Variants in GAS2 observed in about 807,000 individuals in gnomAD.
GAS2 encodes the protein growth arrest specific 2.
GAS2 carries 20 observed loss-of-function variants against 37.5 expected under a neutral mutation model. The observed-to-expected ratio is 0.53, with a 90% confidence interval of 0.37 to 0.77. The LOEUF (loss-of-function observed/expected upper bound fraction) is 0.77. GAS2 is among the 30% of genes least tolerant of loss of function. GAS2 has a pLI of 0.00. For missense variants in GAS2, 336 were observed against 373.4 expected, an observed-to-expected ratio of 0.90 and a Z score of 0.82; for synonymous variants, 144 against 132.2, an observed-to-expected ratio of 1.09 and a Z score of -0.61.
intron 7 of GAS2, among the ~76,000 whole-genome samples, chr11:22,793,180 G>A (rs962933058): frequency 5.9e-5 from 9 of 152,124 alleles, no homozygotes; most frequent in South Asian, 2.1e-4. Context: ...AGCCTGAGGC[G>A]GGAGAATTGC....
chr11:22,670,700 C>G (rs970174638), intron 1 of GAS2, among the ~76,000 whole-genome samples: 2 of 152,010 alleles, frequency 1.3e-5, no homozygotes, highest in Non-Finnish European at 2.9e-5. Flanking sequence ...AAGTTTTCAG[C>G]CTCCGTTGTA....
Position 22,716,096 on chromosome 11 carries a change from A to G in GAS2, c.268-10196A>G, listed in dbSNP as rs190626267. On this transcript the variant is annotated intron_variant, in intron 3 of 7. Coordinates refer to ENST00000454584, the MANE Select transcript of GAS2 (RefSeq NM_001143830.3). The stretch of plus-strand genomic sequence containing the variant: ...CAGAAGTAAAAACAAAAAACATACG[A>G]TCATCTCAGTAGATGCAGAAAAAGC... Among the ~76,000 whole-genome samples, 23 of 152,328 alleles carry G rather than the reference A, an allele frequency of 1.5e-4. 1 individual carries two copies. The East Asian group carries it at 3.3e-3, about 22-fold the overall frequency.
chr11:22,802,857 A>G (rs1004067730), intron 7 of GAS2, among the ~76,000 whole-genome samples: 1 of 152,084 alleles, frequency 6.6e-6, no homozygotes, highest in Non-Finnish European at 1.5e-5. Flanking sequence ...CTATGTTTGG[A>G]TATCTTCAGA....
At chr11:22,767,946 C>T (rs1418516048) in intron 7 of GAS2, among the ~76,000 whole-genome samples, 2 of 152,044 alleles carry the variant, frequency 1.3e-5, no homozygotes, top group Middle Eastern at 3.4e-3. Flanking sequence ...TGAATTTCAC[C>T]ACCTCAGTAA....
At chr11:22,788,264 A>T (rs12271316) in intron 7 of GAS2, among the ~76,000 whole-genome samples, 58,518 of 152,096 alleles carry the variant, frequency 0.38, 11,454 homozygotes, top group African/African-American at 0.41. Context: ...TAGAATATGA[A>T]GAAAATATGT....
intron 3 of GAS2, among the ~76,000 whole-genome samples, chr11:22,712,151 A>G (rs75237385): frequency 0.046 from 7,027 of 152,310 alleles, 515 homozygotes; most frequent in African/African-American, 0.16. Context: ...AGGAAAAAAC[A>G]ACAGCTAATT....
rs1852560474 is a variant in GAS2 at position 22,733,019 on chromosome 11, T to C, written c.410-4686T>C. 2.0e-5 allele frequency among the ~76,000 whole-genome samples: 3 copies of C among 151,746 alleles called. No homozygotes were observed. The South Asian group carries it at 6.2e-4, about 32-fold the overall frequency. ...GTAGTTTCTGATTATTAGAGCTGGA[T>C]AGGTCCCCAAATTTGCATTTTTAAT... On this transcript the variant is annotated intron_variant, in intron 4 of 7. Coordinates refer to ENST00000454584, the MANE Select transcript of GAS2 (RefSeq NM_001143830.3).
At chr11:22,680,887 C>T (rs1032720452) in intron 2 of GAS2, among the ~76,000 whole-genome samples, 2 of 152,158 alleles carry the variant, frequency 1.3e-5, no homozygotes, top group African/African-American at 2.4e-5. Flanking sequence ...CCAAGTTCCT[C>T]TACCCTCGAA....
chr11:22,762,656 A>G (rs1854459230), intron 7 of GAS2, among the ~76,000 whole-genome samples: 1 of 152,202 alleles, frequency 6.6e-6, no homozygotes, highest in South Asian at 2.1e-4. Context: ...AGGGCATTCA[A>G]TTGCATAATC....
chr11:22,789,467 T>TTTC (rs1856026437), intron 7 of GAS2, among the ~76,000 whole-genome samples: 1 of 96,446 alleles, frequency 1.0e-5, no homozygotes, highest in Non-Finnish European at 2.3e-5. Context: ...CTTTTTTTTT[T>TTTC]TTTTTTTTTT....
intron 7 of GAS2, among the ~76,000 whole-genome samples, chr11:22,761,102 G>A (rs1254976704): frequency 1.3e-5 from 2 of 152,040 alleles, no homozygotes; most frequent in Non-Finnish European, 2.9e-5. Context: ...ATATTGTTTA[G>A]GATTAGCACC....
chr11:22,664,223 A>C (rs1848949587), upstream of GAS2, among the ~76,000 whole-genome samples: 1 of 152,094 alleles, frequency 6.6e-6, no homozygotes. Flanking sequence ...TCTAACCTCA[A>C]TCATTTATTG....
chr11:22,724,918 T>A (rs1852123921), intron 3 of GAS2, among the ~76,000 whole-genome samples: 1 of 148,726 alleles, frequency 6.7e-6, no homozygotes, highest in South Asian at 2.1e-4. Flanking sequence ...TAAGCCACTA[T>A]TTTTTTTTTA....
chr11:22,651,129 C>T (rs1848770230), intron 1 of GAS2, among the ~76,000 whole-genome samples: 1 of 151,864 alleles, frequency 6.6e-6, no homozygotes, highest in Non-Finnish European at 1.5e-5. Context: ...GACAAAATCT[C>T]TCAGCATTTG....
intron 7 of GAS2, among the ~76,000 whole-genome samples, chr11:22,791,475 C>T (rs897606747): frequency 2.0e-5 from 3 of 152,144 alleles, no homozygotes; most frequent in African/African-American, 7.2e-5. Flanking sequence ...TATCCATTTC[C>T]ATTAAAGTGT....
At chr11:22,774,140 C>T (rs1011521524) in intron 7 of GAS2, among the ~76,000 whole-genome samples, 4 of 152,148 alleles carry the variant, frequency 2.6e-5, no homozygotes, top group African/African-American at 9.6e-5. Context: ...ATTACAGGAG[C>T]ATGCCACCAC....
intron 7 of GAS2, among the ~76,000 whole-genome samples, chr11:22,791,413 A>G (rs1223152018): frequency 6.6e-6 from 1 of 152,232 alleles, no homozygotes; most frequent in Non-Finnish European, 1.5e-5. Context: ...TCAAGATCTG[A>G]CAGACATGCT....
At chr11:22,750,293 T>G (rs935171981) in intron 6 of GAS2, among the ~76,000 whole-genome samples, 6 of 151,970 alleles carry the variant, frequency 3.9e-5, no homozygotes, top group Admixed American at 3.9e-4. Flanking sequence ...GCTGGGAAAA[T>G]GGTTGGACAC....
intron 3 of GAS2, among the ~76,000 whole-genome samples, chr11:22,715,479 A>AAAAAAAAAAAAAAAAG (rs1554973679): frequency 6.9e-6 from 1 of 145,788 alleles, no homozygotes; most frequent in African/African-American, 2.5e-5. Flanking sequence ...AAAAAAAAAA[A>AAAAAAAAAAAAAAAAG]AAAAGAAAAG....
Sources: gnomAD v4.1 joint callset for allele counts (sites outside exome capture counted in the v4.1 genomes callset) on GRCh38, gnomAD v4.1.1 for gene constraint, MANE v1.5 for transcripts, NCBI Gene and HGNC (gene_info 2026-07-23, HGNC 2026-07-21) for gene names.